Variants in MID1 observed in about 807,000 individuals in gnomAD.
MID1 encodes the protein midline 1, also known as E3 ubiquitin-protein ligase Midline-1.
MID1 carries 7 observed loss-of-function variants against 40.4 expected under a neutral mutation model. The observed-to-expected ratio is 0.17, with a 90% CI of 0.10 to 0.33. MID1 has a LOEUF of 0.33. Among genes scored for constraint, MID1 ranks in the 10% least tolerant of loss-of-function variants. The pLI is 1.00. For missense variants in MID1, 367 were observed against 558.5 expected (o/e 0.66, Z 3.46); for synonymous variants, 229 against 221.2 (o/e 1.04, Z -0.31).
intron 1 of MID1, among the ~76,000 whole-genome samples, chrX:10,659,193 T>A (rs1288667847): frequency 8.9e-6 from 1 of 112,202 alleles, no homozygotes; most frequent in Non-Finnish European, 1.9e-5. Context: ...AGTTTGATCT[T>A]TCATTGCTTG....
Position 10,579,520 on chromosome X carries a change from C to T in MID1, c.-56-11917G>A, listed in dbSNP as rs1268932530. Reference sequence around the variant, plus strand: ...GTCTCGTGACTCATGGAGGTAATGACGATGTTATAGAGTAACTGATTCCCA... The same window carrying T: ...GTCTCGTGACTCATGGAGGTAATGATGATGTTATAGAGTAACTGATTCCCA... On this transcript the variant is annotated intron_variant, in intron 1 of 9. Transcript: ENST00000317552. 7.2e-5 allele frequency among the ~76,000 whole-genome samples: 8 copies of T among 111,709 alleles called. No individual in the cohort carries two copies. The East Asian group carries it at 1.4e-3, about 20-fold the overall frequency.
intron 1 of MID1, among the ~76,000 whole-genome samples, chrX:10,694,345 T>G: frequency 8.9e-6 from 1 of 112,289 alleles, no homozygotes; most frequent in Non-Finnish European, 1.9e-5. Flanking sequence ...ACTCTTTATT[T>G]CCCCTAACAA....
At chrX:10,486,562 C>T in intron 4 of MID1, among the ~76,000 whole-genome samples, 1 of 111,680 alleles carries the variant, frequency 9.0e-6, no homozygotes, top group Non-Finnish European at 1.9e-5. Flanking sequence ...TGGCTAGGGA[C>T]TTGAGTCACT....
chrX:10,468,680 G>A, intron 7 of MID1, among the ~76,000 whole-genome samples: 1 of 111,376 alleles, frequency 9.0e-6, no homozygotes, highest in Admixed American at 9.5e-5. Flanking sequence ...CATCTCTGTG[G>A]CCTGCTACTA....
chrX:10,732,896 G>A (rs2043461289), intron 1 of MID1, among the ~76,000 whole-genome samples: 1 of 89,345 alleles, frequency 1.1e-5, no homozygotes, highest in Non-Finnish European at 2.1e-5. Flanking sequence ...AGGGAGTCTC[G>A]CTTATCGCCC....
chrX:10,503,035 T>C (rs764711827), intron 3 of MID1, among the ~76,000 whole-genome samples: 2 of 111,729 alleles, frequency 1.8e-5, no homozygotes, highest in African/African-American at 6.5e-5. Flanking sequence ...CAGAGCTTTA[T>C]ATAAGCTGAT....
chrX:10,632,287 G>C (rs1936061158), intron 1 of MID1, among the ~76,000 whole-genome samples: 1 of 111,510 alleles, frequency 9.0e-6, no homozygotes, highest in African/African-American at 3.3e-5. Context: ...GTTTCTTCTT[G>C]TTGTGTATCT....
chrX:10,769,875 C>T (rs1487061200), intron 1 of MID1, among the ~76,000 whole-genome samples: 1 of 111,700 alleles, frequency 9.0e-6, no homozygotes, highest in Non-Finnish European at 1.9e-5. Context: ...TTCATTGTGG[C>T]ATCAGGGCAA....
At chrX:10,639,163 T>G (rs1602488891) in intron 1 of MID1, among the ~76,000 whole-genome samples, 1 of 112,259 alleles carries the variant, frequency 8.9e-6, no homozygotes, top group East Asian at 2.8e-4. Flanking sequence ...GAGAATGACT[T>G]TGACGAGTTG....
chrX:10,741,814 A>G (rs963935653), intron 1 of MID1, among the ~76,000 whole-genome samples: 7 of 111,625 alleles, frequency 6.3e-5, no homozygotes, highest in Non-Finnish European at 9.4e-5. Flanking sequence ...CGTCATTCTA[A>G]GAAAATTACT....
At chrX:10,704,741 C>T (rs373540978) in intron 1 of MID1, among the ~76,000 whole-genome samples, 455 of 42,435 alleles carry the variant, frequency 0.011, 4 homozygotes, top group East Asian at 0.082. Flanking sequence ...TATATATATA[C>T]ACACACACAC....
In MID1 at chrX:10,506,464, G is replaced by GA. The variant is rs1368034811; in HGVS notation, c.757-10774dup. 3 of 556,769 alleles carry GA rather than the reference G, an allele frequency of 5.4e-6. No homozygotes were observed. In the African/African-American group the frequency reaches 6.8e-5, roughly 13 times the overall value. The allele number at this position is 556,769 out of a possible 1,213,427, so 45.9% of individuals were successfully genotyped here. A position where few individuals can be genotyped will look rare whatever the true frequency, so the allele number is the denominator to read the frequency against. ...GATTAACCCCATTGGGCAACTCTGG[G>GA]AAACAGTACAGAACATTCCAGCTAA... On this transcript the variant is annotated intron_variant, in intron 3 of 9. Coordinates refer to ENST00000317552, the MANE Select transcript of MID1 (RefSeq NM_000381.4).
intron 1 of MID1, among the ~76,000 whole-genome samples, chrX:10,813,423 A>G (rs1377945166): frequency 9.0e-6 from 1 of 111,515 alleles, no homozygotes; most frequent in African/African-American, 3.3e-5. Flanking sequence ...AATTATCTCT[A>G]TTTTTCTAAA....
intron 9 of MID1, among the ~76,000 whole-genome samples, 193 bp downstream of exon 9, chrX:10,454,677 T>C (rs1034722534): frequency 1.8e-5 from 2 of 111,851 alleles, no homozygotes; most frequent in Admixed American, 9.4e-5. Context: ...TGGGTATTAG[T>C]AATATATGGT....
chrX:10,764,434 A>C (rs1436590672), intron 1 of MID1, among the ~76,000 whole-genome samples: 1 of 112,006 alleles, frequency 8.9e-6, no homozygotes, highest in East Asian at 2.8e-4. Context: ...TGGTATAAAC[A>C]ATAAACTCTA....
intron 1 of MID1, among the ~76,000 whole-genome samples, chrX:10,740,363 T>C (rs1329984504): frequency 8.9e-6 from 1 of 112,807 alleles, no homozygotes; most frequent in Non-Finnish European, 1.9e-5. Context: ...GAAGTGAAGA[T>C]CCAGCCAGGG....
chrX:10,456,271 C>A (rs1928662923), intron 8 of MID1, among the ~76,000 whole-genome samples: 1 of 112,184 alleles, frequency 8.9e-6, no homozygotes, highest in Non-Finnish European at 1.9e-5. Flanking sequence ...CCTCTAAAAT[C>A]CTTTCTTTTT....
intron 7 of MID1, among the ~76,000 whole-genome samples, chrX:10,465,214 T>TACATACATACACACACAC (rs1556005748): frequency 7.5e-5 from 3 of 39,900 alleles, no homozygotes; most frequent in African/African-American, 4.3e-4. Flanking sequence ...TATATATATA[T>TACATACATACACACACAC]ACACACACAC....
intron 2 of MID1, among the ~76,000 whole-genome samples, chrX:10,560,882 G>A (rs773171346): frequency 8.9e-5 from 9 of 100,764 alleles, no homozygotes; most frequent in Non-Finnish European, 1.8e-4. Flanking sequence ...TAAATTTAAC[G>A]TGGAACCAAA....
Sources: allele counts gnomAD v4.1 joint callset (sites outside exome capture counted in the v4.1 genomes callset), GRCh38; gene constraint gnomAD v4.1.1; transcripts MANE v1.5; gene names NCBI Gene and HGNC (gene_info 2026-07-23, HGNC 2026-07-21).